The following RPS6KA2 variants were observed in gnomAD, a reference collection of about 807,000 sequenced individuals.
RPS6KA2 encodes the protein ribosomal protein S6 kinase alpha-2.
Under a neutral mutation model 91.8 loss-of-function variants are expected in RPS6KA2, and 42 were observed. The ratio of observed to expected loss-of-function variants is 0.46; its 90% CI spans 0.36 to 0.59. The LOEUF is 0.59. Ranked by LOEUF, RPS6KA2 falls within the 20% of genes least tolerant of loss-of-function variation. RPS6KA2 has a pLI of 0.00. For synonymous variants in RPS6KA2, 414 were observed against 393.6 expected, an observed-to-expected ratio of 1.05 and a Z score of -0.61; for missense variants, 798 against 978.5, an observed-to-expected ratio of 0.82 and a Z score of 2.46.
chr6:166,734,040 T>A (rs1790605037), intron 2 of RPS6KA2, among the ~76,000 whole-genome samples: 2 of 151,982 alleles, frequency 1.3e-5, no homozygotes, highest in Non-Finnish European at 2.9e-5. Flanking sequence ...GGCAGGAAGT[T>A]GAGGTAAGCT....
rs1784136078 is a variant in RPS6KA2 at position 166,554,961 on chromosome 6, G to A, written c.100-16177C>T. 6.6e-6 allele frequency among the ~76,000 whole-genome samples: 1 copy of A among 152,178 alleles called. No individual in the cohort carries two copies. Among genetic ancestry groups the A allele is most frequent in the African/African-American group, 2.4e-5 (1 of 41,444 alleles). The stretch of plus-strand genomic sequence containing the variant: ...GTTGCTTCTATACTTTTTCTCTACA[G>A]AGCTAGAATACTGTTCAAGCGACAG... On this transcript the variant is annotated intron_variant, in intron 1 of 20. Coordinates refer to ENST00000265678, the MANE Select transcript of RPS6KA2 (RefSeq NM_021135.6). This position sits in a 1 kb window ranked among gnomAD's most constrained non-coding sequence, Gnocchi z 4.3.
chr6:166,723,866 A>G (rs1305695895), intron 2 of RPS6KA2, among the ~76,000 whole-genome samples: 2 of 151,764 alleles, frequency 1.3e-5, no homozygotes, highest in Admixed American at 6.6e-5. Flanking sequence ...CGCCCAGCTA[A>G]TTTTTGTATT....
chr6:166,669,472 G>A (rs1483294502), intron 2 of RPS6KA2, among the ~76,000 whole-genome samples: 1 of 152,110 alleles, frequency 6.6e-6, no homozygotes, highest in East Asian at 1.9e-4. Flanking sequence ...CCTCGCCTCT[G>A]TTGGGGGTTG....
intron 2 of RPS6KA2, among the ~76,000 whole-genome samples, chr6:166,682,853 C>A (rs1276620960): frequency 1.3e-5 from 2 of 152,212 alleles, no homozygotes; most frequent in Non-Finnish European, 2.9e-5. Context: ...ATCCTAAGCC[C>A]TTTTTCCCCT....
Position 166,662,005 on chromosome 6 carries a change from C to T in RPS6KA2, c.124-123221G>A, listed in dbSNP as rs900931370. Among the ~76,000 whole-genome samples, 4 of 152,186 alleles carry T rather than the reference C, an allele frequency of 2.6e-5. No individual in the cohort carries two copies. Among genetic ancestry groups the T allele is most frequent in the Non-Finnish European group, 5.9e-5 (4 of 68,034 alleles). On this transcript the variant is annotated intron_variant, in intron 2 of 21. Transcript: ENST00000503859. This position sits in a 1 kb window ranked among gnomAD's most constrained non-coding sequence, Gnocchi z 4.3. ...GATGTTTTACTCCAGTTCAATTCCT[C>T]GTTAACACAAATTCTTAACGGGACT...
chr6:166,840,424 A>T (rs895243606), intron 2 of RPS6KA2, among the ~76,000 whole-genome samples: 1 of 152,072 alleles, frequency 6.6e-6, no homozygotes, highest in Non-Finnish European at 1.5e-5. Context: ...AAAACAGAGA[A>T]AGTTTGCCTG....
At chr6:166,780,508 A>G (rs963801182) in intron 2 of RPS6KA2, among the ~76,000 whole-genome samples, 3 of 152,084 alleles carry the variant, frequency 2.0e-5, no homozygotes, top group Non-Finnish European at 2.9e-5. Context: ...ACCAACCTCT[A>G]TTGTTTAAGT....
At chr6:166,745,168 T>TGA (rs1790957198) in intron 2 of RPS6KA2, among the ~76,000 whole-genome samples, 7 of 145,748 alleles carry the variant, frequency 4.8e-5, no homozygotes, top group African/African-American at 1.8e-4. Context: ...TTTTTTTTTT[T>TGA]GAGAGAGAGT....
At chr6:166,485,089 C>A (rs981692000) in intron 10 of RPS6KA2, among the ~76,000 whole-genome samples, 1 of 152,220 alleles carries the variant, frequency 6.6e-6, no homozygotes, top group Non-Finnish European at 1.5e-5. Flanking sequence ...GTCCACCCAC[C>A]CTCTGCCACC....
At chr6:166,420,620 T>G (rs965735260) in intron 17 of RPS6KA2, among the ~76,000 whole-genome samples, 1 of 152,244 alleles carries the variant, frequency 6.6e-6, no homozygotes, top group Non-Finnish European at 1.5e-5. Flanking sequence ...TGCCACGTTT[T>G]GCTTACCCAT....
rs1162718926 is a variant in RPS6KA2 at position 166,767,771 on chromosome 6, TCAAA to T, written c.123+90425_123+90428del. On this transcript the variant is annotated intron_variant, in intron 2 of 21. Transcript: ENST00000503859. The surrounding 1 kb of genome is among the most constrained non-coding windows in gnomAD (Gnocchi z 4.6). ...ATTAAGAACTAAAGACAATACCTCC[TCAAA>T]CACACACACACACACACACACACAC... Among the ~76,000 whole-genome samples, 24 of 95,960 alleles carry T rather than the reference TCAAA, an allele frequency of 2.5e-4. No individual in the cohort carries two copies. Among genetic ancestry groups the T allele is most frequent in the Admixed American group, 5.3e-4 (4 of 7,562 alleles). 63.0% of individuals were successfully genotyped at this position (95,960 alleles called of 152,430 possible).
chr6:166,548,079 T>C (rs1311725759), intron 1 of RPS6KA2, among the ~76,000 whole-genome samples: 1 of 152,246 alleles, frequency 6.6e-6, no homozygotes, highest in Non-Finnish European at 1.5e-5. Context: ...AAAGTTTACG[T>C]AGGCTTTCAG....
chr6:166,781,518 A>G (rs7749522), intron 2 of RPS6KA2, among the ~76,000 whole-genome samples: 32,759 of 152,066 alleles, frequency 0.22, 4,345 homozygotes, highest in African/African-American at 0.37. Flanking sequence ...CACCCACCCA[A>G]GTCAGGCAGG....
At chr6:166,785,293 C>A (rs1032910034) in intron 2 of RPS6KA2, among the ~76,000 whole-genome samples, 6 of 152,220 alleles carry the variant, frequency 3.9e-5, no homozygotes, top group African/African-American at 1.2e-4. Flanking sequence ...TGCCACCCCC[C>A]ACTAGGCTGC....
chr6:166,469,499 C>G (rs564829528), intron 11 of RPS6KA2, among the ~76,000 whole-genome samples: 25 of 152,080 alleles, frequency 1.6e-4, no homozygotes, highest in Non-Finnish European at 2.6e-4. Flanking sequence ...GACAGTCACT[C>G]CTGGAGCAAT....
intron 1 of RPS6KA2, among the ~76,000 whole-genome samples, chr6:166,580,372 C>T (rs574269478): frequency 8.9e-4 from 135 of 152,362 alleles, no homozygotes; most frequent in Non-Finnish European, 1.5e-3. Flanking sequence ...CTGAAGGAAA[C>T]TTCAGAGGTG....
At chr6:166,829,755 A>C (rs1376903936) in intron 2 of RPS6KA2, among the ~76,000 whole-genome samples, 3 of 152,144 alleles carry the variant, frequency 2.0e-5, no homozygotes, top group Non-Finnish European at 4.4e-5. Context: ...TCAGCAGACG[A>C]GTGGAAGAAC....
At chr6:166,822,909 T>C (rs1017052557) in intron 2 of RPS6KA2, among the ~76,000 whole-genome samples, 4 of 152,252 alleles carry the variant, frequency 2.6e-5, no homozygotes, top group African/African-American at 9.6e-5. Flanking sequence ...GTCATAACTT[T>C]TTCTTGGTAG....
At chr6:166,762,409 T>C (rs143682871) in intron 2 of RPS6KA2, among the ~76,000 whole-genome samples, 8 of 152,320 alleles carry the variant, frequency 5.3e-5, no homozygotes, top group South Asian at 4.1e-4. Flanking sequence ...TGTGTGTGCA[T>C]GTTAAACGGA....
Sources: allele counts gnomAD v4.1 joint callset (sites outside exome capture counted in the v4.1 genomes callset), GRCh38; gene constraint gnomAD v4.1.1; non-coding constraint Gnocchi (gnomAD v3.1); transcripts MANE v1.5; gene names NCBI Gene and HGNC (gene_info 2026-07-23, HGNC 2026-07-21).